USP14: variants seen among roughly 807,000 people sequenced by gnomAD.
USP14 encodes ubiquitin carboxyl-terminal hydrolase 14.
Under a neutral mutation model 76.5 loss-of-function variants are expected in USP14, and 38 were observed. The ratio of observed to expected loss-of-function variants is 0.50; its 90% CI spans 0.38 to 0.65. The LOEUF is 0.65. USP14 is among the 30% of genes least tolerant of loss of function. The pLI is 0.00. For synonymous variants in USP14, 192 were observed against 191.7 expected (o/e 1.00, Z -0.01); for missense variants, 467 against 586.5 (o/e 0.80, Z 2.10).
intron 1 of USP14, among the ~76,000 whole-genome samples, chr18:160,451 A>G (rs1909085491): frequency 6.6e-6 from 1 of 152,182 alleles, no homozygotes; most frequent in African/African-American, 2.4e-5. Flanking sequence ...TGAGCCAAGG[A>G]GTTAGAGGGT....
At chr18:168,071 G>A (rs1320935963) in intron 3 of USP14, among the ~76,000 whole-genome samples, 1 of 150,928 alleles carries the variant, frequency 6.6e-6, no homozygotes, top group African/African-American at 2.4e-5. Flanking sequence ...GATTACAGGC[G>A]CCCACCACCA....
chr18:194,146 CATT>C (rs1910166903), intron 6 of USP14, among the ~76,000 whole-genome samples: 1 of 152,154 alleles, frequency 6.6e-6, no homozygotes, highest in African/African-American at 2.4e-5. Context: ...AGTGTTATCT[CATT>C]GTTGTCAACC....
intron 6 of USP14, among the ~76,000 whole-genome samples, chr18:195,919 T>G (rs1910217674): frequency 6.6e-6 from 1 of 152,184 alleles, no homozygotes; most frequent in Non-Finnish European, 1.5e-5. Context: ...TCAGAAGTTG[T>G]TTACAGCTAG....
At chr18:166,004 A>T (rs1192818713) in intron 2 of USP14, among the ~76,000 whole-genome samples, 1 of 100,252 alleles carries the variant, frequency 1.0e-5, no homozygotes, top group African/African-American at 3.2e-5. Flanking sequence ...TCATGCATTT[A>T]AAAAAAAAAT....
Position 213,642 on chromosome 18 carries a change from A to C in USP14, c.*2358A>C, listed in dbSNP as rs1168609231. On this transcript the variant is annotated 3_prime_UTR_variant, in exon 16 of 16. Transcript: ENST00000261601. The stretch of plus-strand genomic sequence containing the variant: ...TGACTGACTAGCTAGGTTAGGCCTA[A>C]GAGTGTTTACCGAATAATCTGCACT... 6.6e-6 allele frequency: 1 copy of C among 152,602 alleles called. No individual in the cohort carries two copies. 9.5% of individuals were successfully genotyped at this position (152,602 alleles called of 1,614,324 possible).
chr18:160,320 G>GA (rs1160279232), intron 1 of USP14, among the ~76,000 whole-genome samples: 1 of 152,046 alleles, frequency 6.6e-6, no homozygotes, highest in African/African-American at 2.4e-5. Flanking sequence ...AAGAAAAAAA[G>GA]AAAATTACAT....
At chr18:159,514 C>T (rs530456738) in intron 1 of USP14, among the ~76,000 whole-genome samples, 17 of 152,154 alleles carry the variant, frequency 1.1e-4, no homozygotes, top group Non-Finnish European at 2.2e-4. Flanking sequence ...CTCCAATTGG[C>T]TGTAGGTGTG....
chr18:171,023 AAAATATATATAT>A (rs766287342), intron 3 of USP14, among the ~76,000 whole-genome samples: 2,631 of 46,764 alleles, frequency 0.056, 189 homozygotes, highest in East Asian at 0.39. Flanking sequence ...AAAAAAAAAA[AAAATATATATAT>A]ATATATATAT....
intron 13 of USP14, among the ~76,000 whole-genome samples, chr18:206,200 C>G (rs116616328): frequency 6.6e-6 from 1 of 152,212 alleles, no homozygotes; most frequent in Admixed American, 6.5e-5. Flanking sequence ...GATTCACTTT[C>G]TCTGCATTCT....
intron 2 of USP14, among the ~76,000 whole-genome samples, 173 bp from the exon 3 acceptor site, chr18:166,614 T>G (rs899005042): frequency 1.3e-5 from 2 of 152,322 alleles, no homozygotes; most frequent in Non-Finnish European, 2.9e-5. Flanking sequence ...ATTACAGGCG[T>G]GAGCCACTGT....
At chr18:205,378 C>T (rs1375636553) in intron 13 of USP14, among the ~76,000 whole-genome samples, 1 of 152,176 alleles carries the variant, frequency 6.6e-6, no homozygotes, top group Admixed American at 6.5e-5. Flanking sequence ...TCCATCACCA[C>T]AAAGATCTTG....
At chr18:209,938 A>G (rs774770689) in intron 13 of USP14, 33 bp from the exon 14 acceptor site, 2 of 1,513,300 alleles carry the variant, frequency 1.3e-6, no homozygotes, top group South Asian at 1.2e-5. Context: ...TTCCAAAATC[A>G]TGATTTAAAA....
chr18:166,848 TA>T, intron 3 of USP14, 29 bp downstream of exon 3: 6 of 1,598,178 alleles, frequency 3.8e-6, no homozygotes, highest in Non-Finnish European at 5.1e-6. Flanking sequence ...ACGTTTATTA[TA>T]ATGCAGTAAC....
intron 8 of USP14, 73 bp from the exon 9 acceptor site, chr18:197,974 A>G (rs1216209112): frequency 7.5e-6 from 10 of 1,333,386 alleles, no homozygotes; most frequent in Non-Finnish European, 1.0e-5. Context: ...ATGTATTACT[A>G]AACTGGATTG....
At chr18:182,689 A>G (rs886817035) in intron 5 of USP14, among the ~76,000 whole-genome samples, 1 of 152,192 alleles carries the variant, frequency 6.6e-6, no homozygotes, top group African/African-American at 2.4e-5. Flanking sequence ...CATCAGGGGT[A>G]TCTGAGGATA....
In USP14 at chr18:212,843, A is replaced by G. The variant is rs980906811; in HGVS notation, c.*1559A>G. On this transcript the variant is annotated 3_prime_UTR_variant, in exon 16 of 16. Transcript: ENST00000261601. The stretch of plus-strand genomic sequence containing the variant: ...TTTATAATAAAGTTTGGGGATTATC[A>G]TAACATCTCATATCTTTGTGTATGT... 6.6e-6 allele frequency: 1 copy of G among 152,238 alleles called. No homozygotes were observed. Among genetic ancestry groups the G allele is most frequent in the Non-Finnish European group, 1.5e-5 (1 of 68,040 alleles). The allele number at this position is 152,238 out of a possible 1,614,324, so 9.4% of individuals were successfully genotyped here. A position where few individuals can be genotyped will look rare whatever the true frequency, so the allele number is the denominator to read the frequency against.
intron 2 of USP14, among the ~76,000 whole-genome samples, chr18:165,688 T>A (rs1909250526): frequency 6.6e-6 from 1 of 152,200 alleles, no homozygotes; most frequent in Non-Finnish European, 1.5e-5. Context: ...AGCATATGAT[T>A]TATACATCAA....
At chr18:170,016 T>G (rs1490554543) in intron 3 of USP14, among the ~76,000 whole-genome samples, 1 of 152,020 alleles carries the variant, frequency 6.6e-6, no homozygotes, top group Non-Finnish European at 1.5e-5. Flanking sequence ...TTAATAACCC[T>G]ACAGGCTGAG....
At chr18:163,475 C>T (rs778829219) in intron 2 of USP14, 22 bp downstream of exon 2, 1 of 1,593,652 alleles carries the variant, frequency 6.3e-7, no homozygotes. Context: ...TCCAAATTTT[C>T]ATCACATTAC....
Sources: gnomAD v4.1 joint callset for allele counts (sites outside exome capture counted in the v4.1 genomes callset) on GRCh38, gnomAD v4.1.1 for gene constraint, MANE v1.5 for transcripts, NCBI Gene and HGNC (gene_info 2026-07-23, HGNC 2026-07-21) for gene names.